The following DPP6 variants were observed in gnomAD, a reference collection of about 807,000 sequenced individuals.
DPP6 encodes the protein dipeptidyl peptidase like 6, also known as A-type potassium channel modulatory protein DPP6.
Under a neutral mutation model 122.6 loss-of-function variants are expected in DPP6, and 69 were observed. The ratio of observed to expected loss-of-function variants is 0.56; its 90% CI spans 0.46 to 0.69. The LOEUF is 0.69. DPP6 is among the 30% of genes least tolerant of loss of function. DPP6 has a pLI of 0.00. For synonymous variants in DPP6, 418 were observed against 433.1 expected (o/e 0.97, Z 0.43); for missense variants, 928 against 1,116.9 (o/e 0.83, Z 2.41).
In DPP6 at chr7:153,954,169, A is replaced by G. The variant is rs145821398; in HGVS notation, c.51+66435A>G. 3.3e-5 allele frequency among the ~76,000 whole-genome samples: 5 copies of G among 152,320 alleles called. No homozygotes were observed. The East Asian group carries it at 9.6e-4, about 29-fold the overall frequency. ...TCGCCCAGCCAAGTTGACATCTACA[A>G]TTAGCCCTTACAAGAAAATGTCCTT... is the stretch of plus-strand genomic sequence containing the variant. On this transcript the variant is annotated intron_variant, in intron 1 of 25. Coordinates refer to the DPP6 transcript ENST00000404039.
intron 1 of DPP6, among the ~76,000 whole-genome samples, chr7:154,176,661 T>C (rs1431277122): frequency 6.6e-6 from 1 of 152,192 alleles, no homozygotes; most frequent in Non-Finnish European, 1.5e-5. Flanking sequence ...GCCTTTGTCC[T>C]GGACTCTCCA....
At chr7:154,338,993 T>A (rs575654723) in intron 1 of DPP6, among the ~76,000 whole-genome samples, 2 of 152,184 alleles carry the variant, frequency 1.3e-5, no homozygotes, top group African/African-American at 2.4e-5. Context: ...TTATTCAGCA[T>A]CTAACGTTGC....
chr7:154,476,198 A>G (rs552399986), intron 3 of DPP6, among the ~76,000 whole-genome samples: 33 of 152,328 alleles, frequency 2.2e-4, no homozygotes, highest in African/African-American at 6.0e-4. Context: ...AGCTTATTTA[A>G]AAGTGAAAAA....
At chr7:154,002,501 C>T (rs1266075589) in intron 1 of DPP6, among the ~76,000 whole-genome samples, 1 of 152,208 alleles carries the variant, frequency 6.6e-6, no homozygotes, top group African/African-American at 2.4e-5. Flanking sequence ...GGGTCAGTCG[C>T]TGGCCCAATA....
intron 1 of DPP6, among the ~76,000 whole-genome samples, chr7:154,023,877 ATAGT>A (rs72449206): frequency 0.081 from 12,359 of 151,994 alleles, 576 homozygotes; most frequent in African/African-American, 0.14. Context: ...AATTGAGAAA[ATAGT>A]TAGGAAAGAT....
At chr7:153,862,385 C>T in the DPP6 span, among the ~76,000 whole-genome samples, 554 of 152,314 alleles carry the variant, frequency 3.6e-3, 3 homozygotes, top group African/African-American at 0.013. Flanking sequence ...GCAGGTTCCA[C>T]TCTGACATCT....
chr7:154,118,757 C>T (rs1457994227), intron 1 of DPP6, among the ~76,000 whole-genome samples: 1 of 145,630 alleles, frequency 6.9e-6, no homozygotes, highest in African/African-American at 2.5e-5. Context: ...AACTCTTCCA[C>T]ACAGGCAACC....
At chr7:153,829,163 A>G in the DPP6 span, among the ~76,000 whole-genome samples, 1 of 152,146 alleles carries the variant, frequency 6.6e-6, no homozygotes, top group South Asian at 2.1e-4. Context: ...AAACACTCAA[A>G]GTCTTTCCTG....
Position 154,772,864 on chromosome 7 carries a change from G to C in DPP6, c.1058G>C (p.Ser353Thr). The change falls in exon 10 of 26, where the codon AGC becomes ACC. Residue 353 changes from serine to threonine, a missense_variant. Coordinates refer to ENST00000377770, the MANE Select transcript of DPP6 (RefSeq NM_130797.4). ...HYPKAGSENP[S>T]ISLHVIGLNG... ...CCCCAGGCTGGAAGTGAGAACCCCA[G>C]CATTTCCCTACACGTTATTGGCTTA... The C allele has an allele frequency of 6.2e-7, 1 of 1,611,884 alleles. No homozygotes were observed. Among genetic ancestry groups the C allele is most frequent in the Non-Finnish European group, 8.5e-7 (1 of 1,179,338 alleles).
chr7:154,668,194 AT>A (rs1408895829), intron 6 of DPP6, among the ~76,000 whole-genome samples: 1 of 22,922 alleles, frequency 4.4e-5, no homozygotes, highest in Non-Finnish European at 1.5e-4. Context: ...CTATGTGTAT[AT>A]TTTATATATA....
intron 23 of DPP6, among the ~76,000 whole-genome samples, chr7:154,888,743 A>T (rs1157371188): frequency 6.6e-6 from 1 of 152,162 alleles, no homozygotes; most frequent in African/African-American, 2.4e-5. Flanking sequence ...GTCCGTTTTC[A>T]TGCTGCTGAT....
intron 4 of DPP6, among the ~76,000 whole-genome samples, chr7:154,564,923 T>C (rs1830648401): frequency 6.6e-6 from 1 of 152,240 alleles, no homozygotes; most frequent in African/African-American, 2.4e-5. Context: ...GTTGTTCTAT[T>C]TGGTGCTCCA....
At chr7:154,362,580 A>ATTT (rs35131020) in intron 1 of DPP6, among the ~76,000 whole-genome samples, 1,935 of 133,130 alleles carry the variant, frequency 0.015, 40 homozygotes, top group African/African-American at 0.045. Context: ...ATGCCATGCT[A>ATTT]TTTTTTTTTT....
chr7:154,542,017 C>T (rs1379519895), intron 4 of DPP6, among the ~76,000 whole-genome samples: 1 of 152,182 alleles, frequency 6.6e-6, no homozygotes, highest in African/African-American at 2.4e-5. Context: ...GAACATGTAA[C>T]TTGCTATTTA....
intron 5 of DPP6, among the ~76,000 whole-genome samples, chr7:154,619,339 G>T (rs148783839): frequency 6.6e-6 from 1 of 152,286 alleles, no homozygotes; most frequent in South Asian, 2.1e-4. Context: ...GTTACCTATT[G>T]CTGCCTTGTC....
At chr7:154,449,818 T>C (rs1197848801) in intron 2 of DPP6, among the ~76,000 whole-genome samples, 1 of 151,742 alleles carries the variant, frequency 6.6e-6, no homozygotes, top group Non-Finnish European at 1.5e-5. Flanking sequence ...CCATACTGGC[T>C]AACACATTGA....
chr7:154,281,943 T>A (rs140851558), intron 1 of DPP6, among the ~76,000 whole-genome samples: 1 of 152,222 alleles, frequency 6.6e-6, no homozygotes, highest in African/African-American at 2.4e-5. Context: ...GGGAAGAAGA[T>A]GATATGGTAT....
chr7:153,849,381 C>G, the DPP6 span, among the ~76,000 whole-genome samples: 1 of 151,794 alleles, frequency 6.6e-6, no homozygotes, highest in African/African-American at 2.4e-5. Flanking sequence ...CTGAAGATGT[C>G]GTCCTTGCTG....
At chr7:153,935,690 C>A (rs978840788) in intron 1 of DPP6, among the ~76,000 whole-genome samples, 1 of 152,214 alleles carries the variant, frequency 6.6e-6, no homozygotes, top group Non-Finnish European at 1.5e-5. Context: ...GGCTCCGTTG[C>A]AGAGGCACAG....
Sources: allele counts gnomAD v4.1 joint callset (sites outside exome capture counted in the v4.1 genomes callset), GRCh38; gene constraint gnomAD v4.1.1; transcripts MANE v1.5; gene names NCBI Gene and HGNC (gene_info 2026-07-23, HGNC 2026-07-21).